Variants in HIVEP1 observed in about 807,000 individuals in gnomAD.
The protein encoded by HIVEP1 is HIVEP zinc finger 1, also known as zinc finger protein 40.
In HIVEP1, 36 loss-of-function variants were observed where a neutral mutation model predicts 180.0. That is an observed-to-expected ratio of 0.20 (90% confidence interval 0.15 to 0.26). HIVEP1 has a LOEUF of 0.26. Among genes scored for constraint, HIVEP1 ranks in the 10% least tolerant of loss-of-function variants. The probability of loss-of-function intolerance (pLI) is 1.00; values close to 1 mark genes in which losing one functional copy is unlikely to be tolerated. For missense variants in HIVEP1, 3,143 were observed against 3,268.7 expected, an observed-to-expected ratio of 0.96 and a Z score of 0.94; for synonymous variants, 1,239 against 1,239.0, an observed-to-expected ratio of 1.00 and a Z score of 0.00.
intron 2 of HIVEP1, among the ~76,000 whole-genome samples, chr6:12,058,727 G>A (rs563644514): frequency 1.3e-5 from 2 of 152,236 alleles, no homozygotes; most frequent in African/African-American, 4.8e-5. Flanking sequence ...AAACAGCTCC[G>A]TACTGGTGAT....
At chr6:12,026,633 G>C (rs1214837765) in intron 2 of HIVEP1, among the ~76,000 whole-genome samples, 2 of 152,098 alleles carry the variant, frequency 1.3e-5, no homozygotes, top group African/African-American at 2.4e-5. Context: ...TGCCAGGTGG[G>C]TCATAAGGTC....
chr6:12,058,699 G>A (rs891298731), intron 2 of HIVEP1, among the ~76,000 whole-genome samples: 2 of 152,094 alleles, frequency 1.3e-5, no homozygotes, highest in East Asian at 1.9e-4. Flanking sequence ...CAGCAGCTTG[G>A]GCAAGCAGCC....
chr6:12,160,223 A>T (rs755771097), intron 7 of HIVEP1, among the ~76,000 whole-genome samples: 1 of 152,226 alleles, frequency 6.6e-6, no homozygotes, highest in Non-Finnish European at 1.5e-5. Context: ...AAAGTTCCAC[A>T]TGAGCTTATG....
In HIVEP1 at chr6:12,163,477, A is replaced by G. The variant is rs573387315; in HGVS notation, c.7173A>G (p.Gln2391=). ...ACCTTCCTTTGCATTCCCAGCAGCA[A>G]TCGAGGACACCTTATAATATGGTTC... The part of the protein sequence containing the change: ...FSHLPLHSQQ[Q]SRTPYNMVPV... The change falls in exon 9 of 9, where the codon CAA becomes CAG. Residue 2391 remains glutamine (Q), a synonymous_variant. Transcript: ENST00000379388. 17 of 1,614,124 alleles carry G rather than the reference A, an allele frequency of 1.1e-5. 2 individuals are homozygous for G. The African/African-American group carries it at 2.1e-4, about 20-fold the overall frequency.
rs779861313 is a variant in HIVEP1, at chr6:12,123,615, A to G, written c.3820A>G (p.Thr1274Ala). Residue 1274 changes from threonine to alanine, a missense_variant, in exon 4 of 9, where the codon ACA becomes GCA. This residue lies in a region of HIVEP1 where 1,357 missense variants were observed against 1,260.5 expected (regional missense o/e 1.08). Transcript: ENST00000379388. ...QRSETLSKLP[T>A]EKLPPKKKRL... ...TAGTGAAACCTTGTCAAAATTGCCA[A>G]CAGAGAAACTGCCACCCAAAAAGAA... is the stretch of plus-strand genomic sequence containing the variant. 5.6e-6 allele frequency: 9 copies of G among 1,614,154 alleles called. No homozygotes were observed. The highest frequency in any genetic ancestry group is 1.1e-5 in the South Asian group (1 of 91,084).
At chr6:12,144,100 T>C (rs1759219524) in intron 7 of HIVEP1, among the ~76,000 whole-genome samples, 1 of 152,210 alleles carries the variant, frequency 6.6e-6, no homozygotes, top group South Asian at 2.1e-4. Context: ...GGAACAAAGC[T>C]GGAGGCATCA....
At chr6:12,017,454 C>CA (rs779245024) in intron 2 of HIVEP1, among the ~76,000 whole-genome samples, 1 of 152,198 alleles carries the variant, frequency 6.6e-6, no homozygotes, top group Non-Finnish European at 1.5e-5. Flanking sequence ...AGTACAGACT[C>CA]AAAGAGCAAG....
intron 6 of HIVEP1, among the ~76,000 whole-genome samples, chr6:12,133,171 A>G (rs1758518660): frequency 6.6e-6 from 1 of 152,224 alleles, no homozygotes; most frequent in Non-Finnish European, 1.5e-5. Flanking sequence ...TTACAAATCC[A>G]TAATTCATTA....
chr6:12,143,421 C>G (rs191662648), intron 7 of HIVEP1, among the ~76,000 whole-genome samples: 19 of 152,288 alleles, frequency 1.2e-4, no homozygotes. Context: ...AAACCCACAA[C>G]CAATATCATA....
chr6:12,161,766 T>A lies in HIVEP1; in HGVS notation c.6815T>A (p.Leu2272His). Residue 2272 changes from leucine (L) to histidine (H), a missense_variant, in exon 8 of 9, where the codon CTC becomes CAC. This residue lies in a region of HIVEP1 where 595 missense variants were observed against 602.2 expected (regional missense o/e 0.99). Transcript: ENST00000379388. The part of the protein sequence containing the change: ...TAQSDYNRKT[L>H]SPGKARQRAA... ...CAGTCTGACTACAATAGGAAGACAC[T>A]CTCTCCGGGGAAGGCCAGGCAGCGT... 1.2e-6 allele frequency: 2 copies of A among 1,614,142 alleles called. No homozygotes were observed. The highest frequency in any genetic ancestry group is 1.7e-6 in the Non-Finnish European group (2 of 1,180,018).
In HIVEP1 at chr6:12,164,341, G is replaced by C; in HGVS notation, c.8037G>C (p.Gln2679His). The C allele has an allele frequency of 1.2e-6, 2 of 1,614,090 alleles. No individual in the cohort carries two copies. The highest frequency in any genetic ancestry group is 4.5e-5 in the East Asian group (2 of 44,876). Residue 2679 changes from glutamine to histidine, a missense_variant, in exon 9 of 9, where the codon CAG becomes CAC. By Grantham distance (24) the Gln-to-His change is conservative. Around this residue, in one of 12 missense-constraint regions of HIVEP1, gnomAD observed 595 missense variants for 602.2 expected, o/e 0.99. Transcript: ENST00000379388. The stretch of plus-strand genomic sequence containing the variant: ...TTTTTACAAAGCCCTCAGGCCAGCA[G>C]ACTCTCTCTCCAGACAGACAGGTTC... ...SEVFTKPSGQ[Q>H]TLSPDRQVPR...
chr6:12,124,426 C>A lies in HIVEP1; in HGVS notation c.4631C>A (p.Ser1544Tyr), dbSNP rs1376230922. The change falls in exon 4 of 9, where the codon TCT becomes TAT. Residue 1544 changes from serine to tyrosine, a missense_variant. Around this residue, in one of 12 missense-constraint regions of HIVEP1, gnomAD observed 1,357 missense variants for 1,260.5 expected, o/e 1.08. Transcript: ENST00000379388. ...CAGGGTAGCAAGCCAGATAAAAATT[C>A]TGTTTTATCTGGGTCTTCTAAAAGT... ...STQGSKPDKN[S>Y]VLSGSSKSED... 1.2e-6 allele frequency: 2 copies of A among 1,613,774 alleles called. No homozygotes were observed. The highest frequency in any genetic ancestry group is 1.1e-5 in the South Asian group (1 of 91,084).
intron 3 of HIVEP1, among the ~76,000 whole-genome samples, chr6:12,103,320 A>G (rs1228086864): frequency 2.0e-5 from 3 of 152,174 alleles, no homozygotes; most frequent in African/African-American, 7.2e-5. Flanking sequence ...ATGAGGTGCC[A>G]TTATCTGTGT....
the HIVEP1 span, among the ~76,000 whole-genome samples, chr6:12,176,060 C>G: frequency 2.6e-5 from 4 of 152,136 alleles, no homozygotes. Context: ...GCCTCTGCAT[C>G]TCCAGTTCTG....
At chr6:12,012,249 G>C (rs1365653436), upstream of HIVEP1, 2 of 131,390 alleles carry the variant, frequency 1.5e-5, no homozygotes, top group African/African-American at 5.6e-5. Flanking sequence ...CGCGCCCCGC[G>C]CTCCCCCCCC....
chr6:12,140,187 C>T (rs975164845), intron 7 of HIVEP1, among the ~76,000 whole-genome samples: 6 of 152,212 alleles, frequency 3.9e-5, no homozygotes, highest in African/African-American at 1.4e-4. Flanking sequence ...ATTTGCTGTT[C>T]TTCAGCCTCT....
the HIVEP1 span, among the ~76,000 whole-genome samples, chr6:12,210,677 AG>A: frequency 6.6e-6 from 1 of 152,144 alleles, no homozygotes; most frequent in African/African-American, 2.4e-5. Flanking sequence ...AATAATTTGA[AG>A]GGGGGAAATG....
At chr6:12,130,402 G>A (rs1194724022) in intron 5 of HIVEP1, among the ~76,000 whole-genome samples, 1 of 152,164 alleles carries the variant, frequency 6.6e-6, no homozygotes, top group South Asian at 2.1e-4. Context: ...GTGCAGCGCA[G>A]TGGTGCGCGC....
In HIVEP1 at chr6:12,124,975, A is replaced by T; in HGVS notation, c.5180A>T (p.Gln1727Leu). 1 of 1,614,194 alleles carries T rather than the reference A, an allele frequency of 6.2e-7. No homozygotes were observed. The change falls in exon 4 of 9, where the codon CAG becomes CTG. Residue 1727 changes from glutamine (Q) to leucine (L), a missense_variant. By Grantham distance (113) the Gln-to-Leu change is moderately radical. This residue lies in a region of HIVEP1 where 1,357 missense variants were observed against 1,260.5 expected (regional missense o/e 1.08). Coordinates refer to ENST00000379388, the MANE Select transcript of HIVEP1 (RefSeq NM_002114.4). ...SSLSESLPIT[Q>L]KISVGRLSPQ... ...CTATCAGAATCCTTGCCCATAACTC[A>T]GAAAATATCTGTTGGTCGACTTTCC...
Sources: allele counts gnomAD v4.1 joint callset (sites outside exome capture counted in the v4.1 genomes callset), GRCh38; gene constraint gnomAD v4.1.1; regional missense constraint gnomAD v4.1.1; transcripts MANE v1.5; gene names NCBI Gene and HGNC (gene_info 2026-07-23, HGNC 2026-07-21).